SLC9A9: variants seen among roughly 807,000 people sequenced by gnomAD.
The protein encoded by SLC9A9 is solute carrier family 9 member A9, also known as sodium/hydrogen exchanger 9.
A neutral mutation model predicts 77.8 loss-of-function variants in SLC9A9; 62 were observed. The ratio of observed to expected loss-of-function variants is 0.80; its 90% CI spans 0.65 to 0.98. The LOEUF (loss-of-function observed/expected upper bound fraction) is 0.98. Among genes scored for constraint, SLC9A9 ranks in the 50% least tolerant of loss-of-function variants. SLC9A9 has a pLI of 0.00. For synonymous variants in SLC9A9, 320 were observed against 283.5 expected (o/e 1.13, Z -1.29); for missense variants, 775 against 774.9 (o/e 1.00, Z 0.00).
At chr3:143,518,811 G>T (rs2119380) in intron 9 of SLC9A9, among the ~76,000 whole-genome samples, 80,883 of 151,972 alleles carry the variant, frequency 0.53, 21,576 homozygotes, top group East Asian at 0.7. Context: ...TGTGTCCAGT[G>T]CTTTGCTATA....
chr3:143,437,439 G>A (rs953991552), intron 12 of SLC9A9, among the ~76,000 whole-genome samples: 5 of 152,232 alleles, frequency 3.3e-5, no homozygotes, highest in African/African-American at 4.8e-5. Context: ...AGGAAGTGGC[G>A]CCCAGCAAGG....
chr3:143,800,512 C>T (rs1044341724), intron 2 of SLC9A9, among the ~76,000 whole-genome samples: 1 of 152,202 alleles, frequency 6.6e-6, no homozygotes, highest in Non-Finnish European at 1.5e-5. Flanking sequence ...TCCTCCACAA[C>T]TCACTGTTCC....
chr3:143,504,255 C>T (rs187751011), intron 9 of SLC9A9: 180 of 244,516 alleles, frequency 7.4e-4, no homozygotes, highest in African/African-American at 3.9e-3. Context: ...TCATTTACTC[C>T]GGCCTTCACC....
intron 14 of SLC9A9, among the ~76,000 whole-genome samples, chr3:143,286,275 TGG>T (rs1282552997): frequency 6.6e-6 from 1 of 151,860 alleles, no homozygotes; most frequent in African/African-American, 2.4e-5. Flanking sequence ...TAGGAAGGGG[TGG>T]GGGTCTCAAT....
chr3:143,691,007 A>T (rs2053511833), intron 5 of SLC9A9, among the ~76,000 whole-genome samples: 1 of 152,154 alleles, frequency 6.6e-6, no homozygotes, highest in South Asian at 2.1e-4. Context: ...GCAACTCTAA[A>T]ATGTAAAGCT....
At chr3:143,716,305 C>T (rs1934349995) in intron 4 of SLC9A9, among the ~76,000 whole-genome samples, 1 of 152,070 alleles carries the variant, frequency 6.6e-6, no homozygotes, top group Non-Finnish European at 1.5e-5. Flanking sequence ...GACTCCTGGG[C>T]TCAAGCAATT....
At chr3:143,519,078 T>A (rs1013634035) in intron 9 of SLC9A9, among the ~76,000 whole-genome samples, 2 of 152,168 alleles carry the variant, frequency 1.3e-5, no homozygotes, top group African/African-American at 2.4e-5. Context: ...GTGCTGGAGA[T>A]GCAGTAGTGA....
chr3:143,599,636 G>A lies in SLC9A9; in HGVS notation c.756-20913C>T, dbSNP rs535987477. Among the ~76,000 whole-genome samples the A allele has an allele frequency of 3.3e-5, 5 of 150,824 alleles. No homozygotes were observed. The South Asian group carries it at 1.1e-3, about 32-fold the overall frequency. ...TTTGCACTATTGAGATGCAAATGGC[G>A]CTACTGGCTGACCACCGACAAGCTT... On this transcript the variant is annotated intron_variant, in intron 6 of 15. Coordinates refer to ENST00000316549, the MANE Select transcript of SLC9A9 (RefSeq NM_173653.4).
chr3:143,773,735 C>T (rs1043932894), intron 4 of SLC9A9, among the ~76,000 whole-genome samples: 11 of 152,162 alleles, frequency 7.2e-5, no homozygotes, highest in African/African-American at 1.9e-4. Context: ...CTGCCCACCT[C>T]GGCCTCCCAA....
chr3:143,399,196 CAGAA>C (rs1424601656), intron 12 of SLC9A9, among the ~76,000 whole-genome samples: 4 of 152,042 alleles, frequency 2.6e-5, no homozygotes, highest in African/African-American at 7.2e-5. Flanking sequence ...GGAAAGTTGA[CAGAA>C]AGACAATGGG....
intron 9 of SLC9A9, among the ~76,000 whole-genome samples, chr3:143,527,912 G>A (rs572861015): frequency 7.9e-5 from 12 of 152,208 alleles, no homozygotes; most frequent in Admixed American, 1.3e-4. Flanking sequence ...TGTGCACTTG[G>A]AACAAGGTGA....
chr3:143,705,109 G>C (rs2108792097), intron 4 of SLC9A9, among the ~76,000 whole-genome samples: 1 of 151,024 alleles, frequency 6.6e-6, no homozygotes, highest in East Asian at 1.9e-4. Context: ...GGTCTATTCA[G>C]CCATAAAGAA....
chr3:143,832,188 G>A lies in SLC9A9; in HGVS notation c.209C>T (p.Thr70Ile). Reference protein sequence around the residue: ...LIMGLILRYATAPTDIESGTV... With the variant: ...LIMGLILRYAIAPTDIESGTV... ...TCCACTTTCAATATCAGTTGGTGCT[G>A]TAGCATATCGTAAAATTAGTCCCAT... The change falls in exon 2 of 16, where the codon ACA (threonine) becomes ATA (isoleucine). Residue 70 changes from threonine to isoleucine, a missense_variant. Coordinates refer to ENST00000316549, the MANE Select transcript of SLC9A9 (RefSeq NM_173653.4). 3 of 1,612,460 alleles carry A rather than the reference G, an allele frequency of 1.9e-6. No individual in the cohort carries two copies. The highest frequency in any genetic ancestry group is 2.5e-6 in the Non-Finnish European group (3 of 1,179,462).
At chr3:143,412,340 A>G (rs2034111564) in intron 12 of SLC9A9, among the ~76,000 whole-genome samples, 1 of 151,952 alleles carries the variant, frequency 6.6e-6, no homozygotes, top group South Asian at 2.1e-4. Flanking sequence ...TCTGGCAGCC[A>G]TCTTCTCAGA....
intron 4 of SLC9A9, among the ~76,000 whole-genome samples, chr3:143,694,777 T>C (rs1405625450): frequency 6.6e-6 from 1 of 152,178 alleles, no homozygotes; most frequent in Non-Finnish European, 1.5e-5. Context: ...TGTTATCTCA[T>C]GTAGTACACC....
At chr3:143,550,306 TAA>T (rs2036857870) in intron 9 of SLC9A9, among the ~76,000 whole-genome samples, 1 of 152,188 alleles carries the variant, frequency 6.6e-6, no homozygotes, top group African/African-American at 2.4e-5. Flanking sequence ...ATGTTTATTA[TAA>T]GAGACCTCTC....
Position 143,578,737 on chromosome 3 carries a change from A to G in SLC9A9, c.756-14T>C. ...ATGGATATAGAACTGAAAAGAGAAGAGGGTGGAGGTTAGTTAGTGACTTTC... is the reference window on the plus strand; with the variant it reads ...ATGGATATAGAACTGAAAAGAGAAGGGGGTGGAGGTTAGTTAGTGACTTTC... On this transcript the variant is annotated splice_polypyrimidine_tract_variant and intron_variant, in intron 6 of 15. Transcript: ENST00000316549. 1 of 1,613,834 alleles carries G rather than the reference A, an allele frequency of 6.2e-7. No homozygotes were observed. The highest frequency in any genetic ancestry group is 8.5e-7 in the Non-Finnish European group (1 of 1,179,782).
intron 2 of SLC9A9, among the ~76,000 whole-genome samples, chr3:143,808,181 C>T (rs557499163): frequency 9.3e-4 from 142 of 152,298 alleles, no homozygotes; most frequent in African/African-American, 3.2e-3. Flanking sequence ...GCTCATCAAA[C>T]GTTGGTTTCC....
chr3:143,545,196 C>T (rs1437693498), intron 9 of SLC9A9, among the ~76,000 whole-genome samples: 2 of 152,004 alleles, frequency 1.3e-5, no homozygotes, highest in Non-Finnish European at 2.9e-5. Context: ...TGATTTTATC[C>T]TCCATGAAAT....
Sources: gnomAD v4.1 joint callset for allele counts (sites outside exome capture counted in the v4.1 genomes callset) on GRCh38, gnomAD v4.1.1 for gene constraint, MANE v1.5 for transcripts, NCBI Gene and HGNC (gene_info 2026-07-23, HGNC 2026-07-21) for gene names.